Variants in NBEA observed in about 807,000 individuals in gnomAD.
NBEA encodes the protein lysosomal-trafficking regulator 2.
Under a neutral mutation model 343.4 loss-of-function variants are expected in NBEA, and 44 were observed. That is an observed-to-expected ratio of 0.13 (90% CI 0.10 to 0.16). NBEA has a LOEUF of 0.16. Among genes scored for constraint, NBEA ranks in the 10% least tolerant of loss-of-function variants. The probability of loss-of-function intolerance (pLI) is 1.00; values close to 1 mark genes in which losing one functional copy is unlikely to be tolerated. For missense variants in NBEA, 2,555 were observed against 3,631.3 expected, an observed-to-expected ratio of 0.70 and a Z score of 7.62; for synonymous variants, 1,175 against 1,238.7, an observed-to-expected ratio of 0.95 and a Z score of 1.08.
At chr13:35,370,103 A>G (rs547814232) in intron 38 of NBEA, among the ~76,000 whole-genome samples, 6 of 151,962 alleles carry the variant, frequency 3.9e-5, no homozygotes, top group Non-Finnish European at 8.8e-5. Context: ...TTCTGTCTAG[A>G]TGATCTAACA....
intron 33 of NBEA, among the ~76,000 whole-genome samples, chr13:35,214,279 G>A (rs895653469): frequency 6.6e-6 from 1 of 151,884 alleles, no homozygotes; most frequent in Non-Finnish European, 1.5e-5. Flanking sequence ...AAAAATTGTG[G>A]TTGGATAGTA....
intron 1 of NBEA, among the ~76,000 whole-genome samples, chr13:34,961,269 T>C (rs1415932084): frequency 3.3e-5 from 5 of 152,116 alleles, no homozygotes; most frequent in African/African-American, 1.2e-4. Flanking sequence ...ATGTAGCTTA[T>C]TCCTGAGAAA....
chr13:35,459,002 A>ACCC (rs1388170649), intron 40 of NBEA, among the ~76,000 whole-genome samples: 1 of 89,562 alleles, frequency 1.1e-5, no homozygotes, highest in Non-Finnish European at 2.1e-5. Flanking sequence ...TTTCTTTACC[A>ACCC]CCGCCCCCCC....
intron 41 of NBEA, among the ~76,000 whole-genome samples, chr13:35,497,407 T>C (rs965546522): frequency 5.3e-5 from 8 of 152,132 alleles, no homozygotes; most frequent in African/African-American, 2.4e-5. Flanking sequence ...ATTTGCTATA[T>C]TCTCTCAGAA....
At chr13:35,035,916 T>G (rs1359702075) in intron 1 of NBEA, among the ~76,000 whole-genome samples, 4 of 151,988 alleles carry the variant, frequency 2.6e-5, no homozygotes, top group African/African-American at 9.7e-5. Context: ...ATAGGTGAAG[T>G]GTGTTTCTTT....
intron 8 of NBEA, among the ~76,000 whole-genome samples, chr13:35,061,622 T>C (rs1025446726): frequency 2.6e-5 from 4 of 151,754 alleles, no homozygotes; most frequent in Non-Finnish European, 5.9e-5. Flanking sequence ...GTTCTCTCCT[T>C]CATTTATGAA....
At chr13:35,029,133 A>G (rs1033794700) in intron 1 of NBEA, among the ~76,000 whole-genome samples, 6 of 148,252 alleles carry the variant, frequency 4.0e-5, no homozygotes, top group Non-Finnish European at 3.0e-5. Context: ...TTTCTTGTCT[A>G]TTTGACTGTT....
intron 40 of NBEA, among the ~76,000 whole-genome samples, chr13:35,456,738 A>C (rs2152949387): frequency 6.6e-6 from 1 of 152,090 alleles, no homozygotes; most frequent in Non-Finnish European, 1.5e-5. Flanking sequence ...CATTTCTTTT[A>C]GAATGGTAGT....
intron 33 of NBEA, among the ~76,000 whole-genome samples, chr13:35,220,535 G>A (rs34572140): frequency 0.019 from 2,904 of 152,124 alleles, 54 homozygotes; most frequent in Non-Finnish European, 0.03. Flanking sequence ...TCATTTTATT[G>A]TCTTTTGGCT....
intron 1 of NBEA, among the ~76,000 whole-genome samples, chr13:35,031,225 G>A (rs575497876): frequency 5.7e-4 from 86 of 151,512 alleles, no homozygotes; most frequent in Admixed American, 1.6e-3. Flanking sequence ...TTTATTTCTC[G>A]AGAACCTTTT....
intron 36 of NBEA, among the ~76,000 whole-genome samples, chr13:35,321,713 G>C (rs1037181524): frequency 1.3e-5 from 2 of 152,134 alleles, no homozygotes; most frequent in African/African-American, 2.4e-5. Context: ...CCTTCCCCCA[G>C]GTGCTCTGTC....
At chr13:35,260,568 G>A (rs761692859) in intron 34 of NBEA, among the ~76,000 whole-genome samples, 1 of 152,228 alleles carries the variant, frequency 6.6e-6, no homozygotes, top group African/African-American at 2.4e-5. Context: ...CTGAGTTGAG[G>A]AGACAGTGAT....
chr13:35,289,517 A>G (rs537443490), intron 34 of NBEA, among the ~76,000 whole-genome samples: 24 of 151,986 alleles, frequency 1.6e-4, no homozygotes, highest in African/African-American at 4.1e-4. Context: ...GCTTTCTTAT[A>G]TACATCGTTA....
At chr13:35,023,399 T>G (rs2061912612) in intron 1 of NBEA, among the ~76,000 whole-genome samples, 1 of 152,202 alleles carries the variant, frequency 6.6e-6, no homozygotes, top group Admixed American at 6.5e-5. Context: ...GTTTATATTT[T>G]AAAGGGCTTT....
intron 38 of NBEA, among the ~76,000 whole-genome samples, chr13:35,363,983 T>C (rs1359184960): frequency 2.0e-5 from 3 of 151,888 alleles, no homozygotes; most frequent in Non-Finnish European, 2.9e-5. Flanking sequence ...AAGGAACTGG[T>C]ATACAAAGGA....
intron 10 of NBEA, among the ~76,000 whole-genome samples, chr13:35,072,857 C>T (rs2063935442): frequency 2.0e-5 from 3 of 152,182 alleles, no homozygotes; most frequent in Admixed American, 2.0e-4. Flanking sequence ...GCCACTATGC[C>T]TGGCCCTGTT....
At chr13:35,573,439 G>A (rs1182171058) in intron 45 of NBEA, among the ~76,000 whole-genome samples, 1 of 152,118 alleles carries the variant, frequency 6.6e-6, no homozygotes, top group Non-Finnish European at 1.5e-5. Context: ...AACTAAAAAG[G>A]TAGACTTCAC....
chr13:35,287,387 A>G (rs560162239), intron 34 of NBEA, among the ~76,000 whole-genome samples: 1 of 152,144 alleles, frequency 6.6e-6, no homozygotes, highest in East Asian at 1.9e-4. Context: ...AGTCCTTAGT[A>G]TCATTTCTCC....
intron 36 of NBEA, among the ~76,000 whole-genome samples, chr13:35,312,359 A>G (rs545415519): frequency 2.6e-5 from 4 of 152,308 alleles, no homozygotes; most frequent in Non-Finnish European, 5.9e-5. Flanking sequence ...AAAAAAGTAG[A>G]AATACAATTA....
Sources: allele counts gnomAD v4.1 joint callset (sites outside exome capture counted in the v4.1 genomes callset), GRCh38; gene constraint gnomAD v4.1.1; transcripts MANE v1.5; gene names NCBI Gene and HGNC (gene_info 2026-07-23, HGNC 2026-07-21).